The following PTPRD variants were observed in gnomAD, a reference collection of about 807,000 sequenced individuals.
PTPRD encodes protein tyrosine phosphatase receptor type D.
PTPRD carries 34 observed loss-of-function variants against 214.5 expected under a neutral mutation model. That is an observed-to-expected ratio of 0.16 (90% confidence interval 0.12 to 0.21). The LOEUF (loss-of-function observed/expected upper bound fraction) is 0.21. Ranked by LOEUF, PTPRD falls within the 10% of genes least tolerant of loss-of-function variation. The pLI, the probability that PTPRD is intolerant of heterozygous loss-of-function variation, is 1.00. For synonymous variants in PTPRD, 1,128 were observed against 845.7 expected (o/e 1.33, Z -5.79); for missense variants, 2,545 against 2,398.7 (o/e 1.06, Z -1.27).
In PTPRD at chr9:9,329,072, A is replaced by T. The variant is rs115169313; in HGVS notation, c.-203+68377T>A. 4.1e-3 allele frequency among the ~76,000 whole-genome samples: 624 copies of T among 152,182 alleles called. 6 individuals are homozygous for T. Among genetic ancestry groups the T allele is most frequent in the African/African-American group, 0.014 (582 of 41,538 alleles). ...GAACATCTGTCAGAAAATAATGAAC[A>T]GTGACTCTGGGAAAATTCAGCTATC... On this transcript the variant is annotated intron_variant, in intron 9 of 45. Coordinates refer to ENST00000381196, the MANE Select transcript of PTPRD (RefSeq NM_002839.4).
chr9:8,463,324 A>C (rs1312628657), intron 32 of PTPRD, among the ~76,000 whole-genome samples: 12 of 150,298 alleles, frequency 8.0e-5, no homozygotes, highest in Non-Finnish European at 1.6e-4. Context: ...AAAAAAAAAA[A>C]AAAAAAAAAA....
intron 35 of PTPRD, among the ~76,000 whole-genome samples, chr9:8,430,705 G>T (rs1027361107): frequency 6.6e-6 from 1 of 152,024 alleles, no homozygotes; most frequent in Non-Finnish European, 1.5e-5. Flanking sequence ...CAATGCTGCT[G>T]GTCTGTAGTC....
intron 39 of PTPRD, among the ~76,000 whole-genome samples, chr9:8,364,534 G>A (rs756655383): frequency 6.6e-6 from 1 of 152,208 alleles, no homozygotes; most frequent in Non-Finnish European, 1.5e-5. Flanking sequence ...TACAGCCACG[G>A]CACAGCCAGG....
At chr9:9,406,863 T>A (rs2073630247) in intron 8 of PTPRD, among the ~76,000 whole-genome samples, 1 of 147,894 alleles carries the variant, frequency 6.8e-6, no homozygotes, top group African/African-American at 2.5e-5. Context: ...TTTTTTGAGA[T>A]GAATGTGTCT....
chr9:10,343,813 T>G (rs2096995468), intron 2 of PTPRD, among the ~76,000 whole-genome samples: 1 of 152,008 alleles, frequency 6.6e-6, no homozygotes, highest in Non-Finnish European at 1.5e-5. Flanking sequence ...TTGCCCACTT[T>G]TTGATGGGGT....
intron 9 of PTPRD, among the ~76,000 whole-genome samples, chr9:9,217,800 T>A (rs1023240990): frequency 6.6e-6 from 1 of 152,134 alleles, no homozygotes; most frequent in African/African-American, 2.4e-5. Flanking sequence ...AAATTCCTCT[T>A]TGCATTTGTC....
intron 11 of PTPRD, among the ~76,000 whole-genome samples, chr9:8,897,906 C>A (rs1421028857): frequency 6.6e-6 from 1 of 152,140 alleles, no homozygotes. Flanking sequence ...TATCATGGAA[C>A]CTTAGCGAAA....
At chr9:9,988,882 G>A (rs183449742) in intron 4 of PTPRD, among the ~76,000 whole-genome samples, 171 of 151,386 alleles carry the variant, frequency 1.1e-3, no homozygotes, top group African/African-American at 3.9e-3. Context: ...ATAAACAATT[G>A]ACCTTTGAAA....
chr9:8,822,674 C>G (rs573775293), intron 11 of PTPRD, among the ~76,000 whole-genome samples: 13 of 152,116 alleles, frequency 8.5e-5, no homozygotes, highest in African/African-American at 2.7e-4. Flanking sequence ...TACCTCACAG[C>G]CTTCGGTTGG....
chr9:9,991,155 A>C (rs371698906), intron 4 of PTPRD, among the ~76,000 whole-genome samples: 20 of 152,032 alleles, frequency 1.3e-4, no homozygotes, highest in African/African-American at 4.8e-4. Context: ...GCTGATCCTG[A>C]ACTCCTGACC....
At chr9:10,418,357 GTTAA>G (rs1171077606) in intron 2 of PTPRD, among the ~76,000 whole-genome samples, 1 of 150,460 alleles carries the variant, frequency 6.6e-6, no homozygotes, top group Non-Finnish European at 1.5e-5. Flanking sequence ...TTTGCCCTTG[GTTAA>G]TTAAACAGAA....
At chr9:9,243,412 T>C (rs573621701) in intron 9 of PTPRD, among the ~76,000 whole-genome samples, 6 of 152,176 alleles carry the variant, frequency 3.9e-5, no homozygotes, top group African/African-American at 1.4e-4. Flanking sequence ...GCAAACCGAA[T>C]CCAGCAGCAC....
chr9:8,836,271 T>C (rs1305908082), intron 11 of PTPRD, among the ~76,000 whole-genome samples: 4 of 152,124 alleles, frequency 2.6e-5, no homozygotes, highest in African/African-American at 9.7e-5. Context: ...GTTTTGATAG[T>C]CTAAGAGAAC....
intron 12 of PTPRD, among the ~76,000 whole-genome samples, chr9:8,697,217 A>G (rs925061226): frequency 6.6e-6 from 1 of 152,030 alleles, no homozygotes; most frequent in Admixed American, 6.6e-5. Context: ...ATACGTAGGG[A>G]AGGGAAAAGG....
intron 11 of PTPRD, among the ~76,000 whole-genome samples, chr9:8,830,554 C>T (rs556906276): frequency 6.6e-6 from 1 of 152,116 alleles, no homozygotes; most frequent in East Asian, 1.9e-4. Context: ...TGTGACCAAA[C>T]AGAAAAGTGA....
intron 9 of PTPRD, among the ~76,000 whole-genome samples, chr9:9,352,383 A>G (rs942557773): frequency 1.5e-4 from 23 of 149,520 alleles, no homozygotes; most frequent in South Asian, 4.2e-4. Context: ...ATATATATAT[A>G]TGTGTGTATA....
rs138828900 is a variant in PTPRD at position 9,804,810 on chromosome 9, T to C, written c.-367-37959A>G. On this transcript the variant is annotated intron_variant, in intron 5 of 45. Coordinates refer to ENST00000381196, the MANE Select transcript of PTPRD (RefSeq NM_002839.4). ...GATTATAATCAGATGATTCAAAATA[T>C]AATTTTTATAATATTATGTTAAATT... Among the ~76,000 whole-genome samples the C allele has an allele frequency of 8.1e-3, 1,226 of 151,462 alleles. 18 individuals carry two copies. The highest frequency in any genetic ancestry group is 0.028 in the African/African-American group (1,160 of 41,412).
intron 7 of PTPRD, among the ~76,000 whole-genome samples, chr9:9,707,206 A>G (rs1164790841): frequency 6.6e-6 from 1 of 152,196 alleles, no homozygotes; most frequent in Admixed American, 6.6e-5. Flanking sequence ...ATGTACATGT[A>G]AGGTATATTC....
intron 3 of PTPRD, among the ~76,000 whole-genome samples, chr9:10,340,342 T>C (rs1019006764): frequency 1.3e-5 from 2 of 151,848 alleles, no homozygotes; most frequent in Admixed American, 1.3e-4. Context: ...ATATACAGGG[T>C]CAACCCAAGT....
Sources: gnomAD v4.1 joint callset for allele counts (sites outside exome capture counted in the v4.1 genomes callset) on GRCh38, gnomAD v4.1.1 for gene constraint, MANE v1.5 for transcripts, NCBI Gene and HGNC (gene_info 2026-07-23, HGNC 2026-07-21) for gene names.